The following SUPT6H variants were observed in gnomAD, a reference collection of about 807,000 sequenced individuals.
The protein encoded by SUPT6H is transcription elongation factor SPT6.
A neutral mutation model predicts 222.3 loss-of-function variants in SUPT6H; 11 were observed. The ratio of observed to expected loss-of-function variants is 0.05; its 90% CI spans 0.03 to 0.08. The LOEUF is 0.08. SUPT6H is among the 10% of genes least tolerant of loss of function. The pLI, the probability that SUPT6H is intolerant of heterozygous loss-of-function variation, is 1.00. For missense variants in SUPT6H, 1,422 were observed against 2,216.0 expected, an observed-to-expected ratio of 0.64 and a Z score of 7.19; for synonymous variants, 762 against 801.2, an observed-to-expected ratio of 0.95 and a Z score of 0.83.
chr17:28,667,633 G>A (rs1035998066), intron 1 of SUPT6H, among the ~76,000 whole-genome samples: 2 of 150,408 alleles, frequency 1.3e-5, no homozygotes, highest in Admixed American at 6.7e-5. Flanking sequence ...AGAGCACCAC[G>A]CCTAAATGTT....
Position 28,699,878 on chromosome 17 carries a change from C to G in SUPT6H, c.4546C>G (p.Gln1516Glu). The change falls in exon 33 of 37, where the codon CAG (glutamine) becomes GAG (glutamate). Residue 1516 changes from glutamine to glutamate, a missense_variant. By Grantham distance (29) the Gln-to-Glu change is conservative. Transcript: ENST00000314616. ...GLFRWFKDHY[Q>E]DPVPGITPSS... ...GTTTAGATGGTTTAAGGATCACTAC[C>G]AGGATCCTGTACCAGGTGAGTTCTG... is the stretch of plus-strand genomic sequence containing the variant. The G allele has an allele frequency of 6.2e-7, 1 of 1,613,466 alleles. No individual in the cohort carries two copies. Among genetic ancestry groups the G allele is most frequent in the Non-Finnish European group, 8.5e-7 (1 of 1,179,368 alleles).
chr17:28,674,947 A>G, intron 4 of SUPT6H, 23 bp from the exon 5 acceptor site: 1 of 1,610,874 alleles, frequency 6.2e-7, no homozygotes, highest in Non-Finnish European at 8.5e-7. Flanking sequence ...AGATCCTGAT[A>G]AGGCAGGTTT....
intron 33 of SUPT6H, 26 bp from the exon 34 acceptor site, chr17:28,700,147 T>C: frequency 6.2e-7 from 1 of 1,614,058 alleles, no homozygotes; most frequent in South Asian, 1.1e-5. Context: ...TCTGGAGGGA[T>C]GTAACTAAAT....
At chr17:28,665,632 G>A (rs1444841632) in intron 1 of SUPT6H, among the ~76,000 whole-genome samples, 3 of 152,100 alleles carry the variant, frequency 2.0e-5, no homozygotes, top group African/African-American at 7.2e-5. Flanking sequence ...ACGTGGTGGT[G>A]GGTGCCTGTA....
chr17:28,681,654 A>G (rs1031894664), intron 12 of SUPT6H, among the ~76,000 whole-genome samples: 2 of 151,516 alleles, frequency 1.3e-5, no homozygotes, highest in East Asian at 1.9e-4. Context: ...CAGTTGTTGC[A>G]GTGAGTTGAG....
At chr17:28,700,032 C>A in intron 33 of SUPT6H, 139 bp downstream of exon 33, 1 of 1,408,822 alleles carries the variant, frequency 7.1e-7, no homozygotes, top group Non-Finnish European at 1.0e-6. Flanking sequence ...AGCCTCCCAG[C>A]ACCAGGAAGG....
chr17:28,675,143 A>G lies in SUPT6H; in HGVS notation c.519A>G (p.Glu173=), dbSNP rs1458385525. The G allele has an allele frequency of 1.9e-6, 3 of 1,611,106 alleles. No individual in the cohort carries two copies. The highest frequency in any genetic ancestry group is 1.1e-5 in the South Asian group (1 of 90,882). Residue 173 remains glutamate (E), a synonymous_variant, in exon 5 of 37, where the codon GAA becomes GAG. Transcript: ENST00000314616. ...EAPMAPPEEE[E]EDDEESDIDD... ...CCATGGCTCCTCCAGAGGAGGAGGAAGAAGATGATGAGGAGTCAGGTATGT... is the reference window on the plus strand; with the variant it reads ...CCATGGCTCCTCCAGAGGAGGAGGAGGAAGATGATGAGGAGTCAGGTATGT...
At position 28,676,011 on chromosome 17, in the gene SUPT6H, T is replaced by A. The variant is rs192682163; in HGVS notation, c.624-146T>A. 3.3e-4 allele frequency: 313 copies of A among 945,516 alleles called. No homozygotes were observed. The African/African-American group carries it at 4.9e-3, about 15-fold the overall frequency. 58.6% of individuals were successfully genotyped at this position (945,516 alleles called of 1,614,324 possible). ...CCCAGAAATATCCGCCAATGAAGCC[T>A]TTCGTCCACAGTGAATATGGTTATT... On this transcript the variant is annotated intron_variant, in intron 6 of 36. Transcript: ENST00000314616.
chr17:28,698,901 G>A (rs1205378287), intron 32 of SUPT6H, among the ~76,000 whole-genome samples: 1 of 152,202 alleles, frequency 6.6e-6, no homozygotes, highest in Non-Finnish European at 1.5e-5. Flanking sequence ...AGGGCTAAGT[G>A]GGGCTGGAAA....
chr17:28,668,047 C>T (rs2030191667), intron 1 of SUPT6H, among the ~76,000 whole-genome samples: 1 of 152,164 alleles, frequency 6.6e-6, no homozygotes, highest in African/African-American at 2.4e-5. Flanking sequence ...GAGGGCCTCC[C>T]TTGTGGCAAT....
intron 20 of SUPT6H, 26 bp from the exon 21 acceptor site, chr17:28,686,628 T>C (rs756538924): frequency 1.3e-6 from 2 of 1,561,896 alleles, no homozygotes; most frequent in East Asian, 2.3e-5. Context: ...GAAAACATAT[T>C]CATTGACCAA....
intron 25 of SUPT6H, 34 bp downstream of exon 25, chr17:28,689,595 C>A: frequency 6.2e-7 from 1 of 1,608,642 alleles, no homozygotes; most frequent in Non-Finnish European, 8.5e-7. Context: ...GGCAGGAGAA[C>A]CCATCCCAAG....
At chr17:28,697,126 C>T (rs962610315) in intron 30 of SUPT6H, 44 bp downstream of exon 30, 4 of 1,572,154 alleles carry the variant, frequency 2.5e-6, no homozygotes, top group Admixed American at 1.7e-5. Flanking sequence ...CTCCTGCTTC[C>T]AGAAAGGTGC....
At chr17:28,696,732 G>T (rs2031937904) in intron 29 of SUPT6H, 112 bp from the exon 30 acceptor site, 2 of 1,002,212 alleles carry the variant, frequency 2.0e-6, no homozygotes, top group Non-Finnish European at 3.1e-6. Context: ...CAGCCCAGAT[G>T]ACAGAGCACC....
At chr17:28,678,737 C>A (rs934665181) in intron 10 of SUPT6H, 84 bp from the exon 11 acceptor site, 14 of 1,610,716 alleles carry the variant, frequency 8.7e-6, no homozygotes, top group East Asian at 2.2e-5. Flanking sequence ...AGTCCTCCCC[C>A]ACTAGGTTTC....
In SUPT6H at chr17:28,681,251, T is replaced by C. The variant is rs532478484; in HGVS notation, c.1350-5T>C. On this transcript the variant is annotated splice_region_variant and splice_polypyrimidine_tract_variant and intron_variant, in intron 11 of 36. Coordinates refer to ENST00000314616, the MANE Select transcript of SUPT6H (RefSeq NM_003170.5). ...GACTGAAACCTTATGTCTCTTCTTT[T>C]TCAGGCTCAAGGATGTCCAATCAAT... 1.2e-6 allele frequency: 2 copies of C among 1,613,698 alleles called. No individual in the cohort carries two copies. Among genetic ancestry groups the C allele is most frequent in the African/African-American group, 2.7e-5 (2 of 75,030 alleles).
rs867596476 is a variant in SUPT6H, at chr17:28,692,197, G to A, written c.3633+1134G>A. ...AAATTAGCCAGGCATGGTGGTGGGC[G>A]CCTGTAGTCCCAGCTACTCGGGAGG... On this transcript the variant is annotated intron_variant, in intron 27 of 36. Coordinates refer to ENST00000314616, the MANE Select transcript of SUPT6H (RefSeq NM_003170.5). Among the ~76,000 whole-genome samples, 93 of 151,304 alleles carry A rather than the reference G, an allele frequency of 6.1e-4. 1 individual carries two copies. Among genetic ancestry groups the A allele is most frequent in the African/African-American group, 2.0e-3 (82 of 41,176 alleles).
chr17:28,664,273 C>A (rs549072087), intron 1 of SUPT6H, among the ~76,000 whole-genome samples: 1 of 152,088 alleles, frequency 6.6e-6, no homozygotes, highest in East Asian at 1.9e-4. Context: ...TTTGGGAGGT[C>A]GAGGTGGGCA....
chr17:28,686,107 A>C lies in SUPT6H; in HGVS notation c.2488-232A>C, dbSNP rs376264575. Among the ~76,000 whole-genome samples the C allele has an allele frequency of 3.9e-4, 59 of 152,278 alleles. No individual in the cohort carries two copies. The South Asian group carries it at 9.5e-3, about 25-fold the overall frequency. On this transcript the variant is annotated intron_variant, in intron 19 of 36. Coordinates refer to ENST00000314616, the MANE Select transcript of SUPT6H (RefSeq NM_003170.5). ...TTTCCTAACTTCATCCTTGGGACCT[A>C]GCCAGTGGCACCTGGTACCACTGGA...
Sources: gnomAD v4.1 joint callset for allele counts (sites outside exome capture counted in the v4.1 genomes callset) on GRCh38, gnomAD v4.1.1 for gene constraint, MANE v1.5 for transcripts, NCBI Gene and HGNC (gene_info 2026-07-23, HGNC 2026-07-21) for gene names.